Variants in VANGL2 observed in about 807,000 individuals in gnomAD.
VANGL2 encodes vang-like protein 2.
A neutral mutation model predicts 50.2 loss-of-function variants in VANGL2; 14 were observed. The observed-to-expected ratio is 0.28, with a 90% CI of 0.18 to 0.44. VANGL2 has a LOEUF of 0.44. Ranked by LOEUF, VANGL2 falls within the 20% of genes least tolerant of loss-of-function variation. VANGL2 has a pLI of 1.00. For synonymous variants in VANGL2, 295 were observed against 297.2 expected, an observed-to-expected ratio of 0.99 and a Z score of 0.08; for missense variants, 533 against 701.5, an observed-to-expected ratio of 0.76 and a Z score of 2.71.
At chr1:160,418,923 A>T (rs1293304478) in intron 3 of VANGL2, 79 bp from the exon 4 acceptor site, 1 of 1,520,902 alleles carries the variant, frequency 6.6e-7, no homozygotes, top group Non-Finnish European at 8.9e-7. Context: ...CTGTCCCCTC[A>T]CCCTTTCTCC....
At chr1:160,413,148 G>C (rs1341137434) in intron 1 of VANGL2, among the ~76,000 whole-genome samples, 1 of 152,136 alleles carries the variant, frequency 6.6e-6, no homozygotes, top group Non-Finnish European at 1.5e-5. Context: ...TACTAGGTTG[G>C]TATCAGTTCC....
At position 160,416,109 on chromosome 1, in the gene VANGL2, G is replaced by C. The variant is rs141931627; in HGVS notation, c.119G>C (p.Gly40Ala). The stretch of plus-strand genomic sequence containing the variant: ...TCTAAGAGTCGAGATGGGGGCCGAG[G>C]GGACAAGTCGGTGACAATCCAGGCT... ...HRSKSRDGGR[G>A]DKSVTIQAPG... Residue 40 changes from glycine to alanine, a missense_variant, in exon 3 of 8, where the codon GGG becomes GCG. Physicochemically the swap from Gly to Ala is moderately conservative, Grantham distance 60. Transcript: ENST00000368061. 1.2e-6 allele frequency: 2 copies of C among 1,614,102 alleles called. No individual in the cohort carries two copies. Among genetic ancestry groups the C allele is most frequent in the African/African-American group, 2.7e-5 (2 of 74,934 alleles).
intron 3 of VANGL2, among the ~76,000 whole-genome samples, chr1:160,418,416 C>T (rs1206836362): frequency 6.6e-6 from 1 of 151,876 alleles, no homozygotes; most frequent in Non-Finnish European, 1.5e-5. Flanking sequence ...TTCAGTGATT[C>T]TCAATCTTGG....
rs1424065600 is a variant in VANGL2 at position 160,415,899 on chromosome 1, G to A, written c.62G>A (p.Arg21His). 2.0e-5 allele frequency: 32 copies of A among 1,614,028 alleles called. No homozygotes were observed. The highest frequency in any genetic ancestry group is 2.3e-5 in the Non-Finnish European group (27 of 1,180,026). Residue 21 changes from arginine to histidine, a missense_variant, in exon 2 of 8, where the codon CGC (arginine) becomes CAC (histidine). Coordinates refer to ENST00000368061, the MANE Select transcript of VANGL2 (RefSeq NM_020335.3). Reference sequence around the variant, plus strand: ...AAGTCGGGCCACTCCCGCAGCTCCCGCAAGCACAGGTGGGCAGGCATGCAG... The same window carrying A: ...AAGTCGGGCCACTCCCGCAGCTCCCACAAGCACAGGTGGGCAGGCATGCAG... ...SYKSGHSRSS[R>H]KHRDRRDRHR... is the part of the protein sequence containing the mutation.
chr1:160,417,326 C>A (rs910741256), intron 3 of VANGL2, among the ~76,000 whole-genome samples: 1 of 152,200 alleles, frequency 6.6e-6, no homozygotes, highest in Non-Finnish European at 1.5e-5. Context: ...GATTCCATAT[C>A]CCCAGGCTGT....
At chr1:160,405,910 A>G (rs1650642959) in intron 1 of VANGL2, among the ~76,000 whole-genome samples, 2 of 152,154 alleles carry the variant, frequency 1.3e-5, no homozygotes, top group Admixed American at 6.5e-5. Flanking sequence ...ACAACCCTGC[A>G]CCTAGAGGTG....
chr1:160,414,665 G>C (rs1372222972), intron 1 of VANGL2, among the ~76,000 whole-genome samples: 1 of 152,026 alleles, frequency 6.6e-6, no homozygotes, highest in Non-Finnish European at 1.5e-5. Context: ...AGAATACATG[G>C]TTCATAGAAG....
Position 160,419,717 on chromosome 1 carries a change from G to T in VANGL2, c.800+108G>T. 6.8e-7 allele frequency: 1 copy of T among 1,475,612 alleles called. No homozygotes were observed. The allele number at this position is 1,475,612 out of a possible 1,614,324, so 91.4% of individuals were successfully genotyped here. ...TGGTGGGCTGGAGGTGATGGGCTTG[G>T]AGGGTTGTGTGGGAGGGAGTTGAGT... On this transcript the variant is annotated intron_variant, in intron 4 of 7. Transcript: ENST00000368061. This position sits in a 1 kb window ranked among gnomAD's most constrained non-coding sequence, Gnocchi z 5.8.
At position 160,406,453 on chromosome 1, in the gene VANGL2, G is replaced by C. The variant is rs571339639; in HGVS notation, c.-191+5584G>C. Among the ~76,000 whole-genome samples, 22 of 152,350 alleles carry C rather than the reference G, an allele frequency of 1.4e-4. 1 individual carries two copies. In the South Asian group the frequency reaches 4.3e-3, roughly 30 times the overall value. On this transcript the variant is annotated intron_variant, in intron 1 of 7. Transcript: ENST00000368061. ...GTGTCATAAGCCTGGGGCGGGGCCA[G>C]CATCTGGGCAGAAACCTCTCCTGGG...
Position 160,420,513 on chromosome 1 carries a change from A to G in VANGL2, c.903A>G (p.Lys301=), listed in dbSNP as rs1323896956. The change falls in exon 5 of 8, where the codon AAA becomes AAG. Residue 301 remains lysine (K), a synonymous_variant. Transcript: ENST00000368061. ...TGCCCAAGTCCGTCCTGGCCAAGAA[A>G]GTGTCTGGCTTCAAGGTGTATTCCC... The part of the protein sequence containing the change: ...LNLPKSVLAK[K]VSGFKVYSLG... 10 of 1,614,076 alleles carry G rather than the reference A, an allele frequency of 6.2e-6. No individual in the cohort carries two copies. Among genetic ancestry groups the G allele is most frequent in the African/African-American group, 1.3e-5 (1 of 74,988 alleles).
intron 5 of VANGL2, 111 bp downstream of exon 5, chr1:160,420,658 T>G: frequency 6.7e-7 from 1 of 1,503,526 alleles, no homozygotes; most frequent in Non-Finnish European, 9.2e-7. Context: ...TAGCCCATGT[T>G]CTAGCCGCTT....
Position 160,425,330 on chromosome 1 carries a change from C to T in VANGL2, c.1518C>T (p.Pro506=). ...AACTCTCCGAGGAATTTGTGGATCC[C>T]AAGTCACACAAGTTTGTCATGAGGC... ...FFKLSEEFVD[P]KSHKFVMRLQ... Residue 506 remains proline, a synonymous_variant, in exon 8 of 8, where the codon CCC becomes CCT. Transcript: ENST00000368061. 2 of 1,608,120 alleles carry T rather than the reference C, an allele frequency of 1.2e-6. No individual in the cohort carries two copies. Among genetic ancestry groups the T allele is most frequent in the Non-Finnish European group, 1.7e-6 (2 of 1,178,798 alleles).
At chr1:160,401,109 C>A (rs1650444039) in intron 1 of VANGL2, among the ~76,000 whole-genome samples, 1 of 151,750 alleles carries the variant, frequency 6.6e-6, no homozygotes, top group Non-Finnish European at 1.5e-5. Flanking sequence ...GGAAGGGGCT[C>A]GTGGGGAGGG....
At chr1:160,401,419 C>T (rs1436262177) in intron 1 of VANGL2, among the ~76,000 whole-genome samples, 1 of 151,914 alleles carries the variant, frequency 6.6e-6, no homozygotes, top group Non-Finnish European at 1.5e-5. Flanking sequence ...GGGCTGGAGG[C>T]GGTAGACTGT....
Position 160,426,848 on chromosome 1 carries a change from G to C in VANGL2, c.*1470G>C, listed in dbSNP as rs575984616. 1.5e-4 allele frequency: 23 copies of C among 152,316 alleles called. No homozygotes were observed. The highest frequency in any genetic ancestry group is 4.6e-4 in the African/African-American group (19 of 41,572). 9.4% of individuals were successfully genotyped at this position (152,316 alleles called of 1,614,324 possible). A position where few individuals can be genotyped will look rare whatever the true frequency, so the allele number is the denominator to read the frequency against. On this transcript the variant is annotated 3_prime_UTR_variant, in exon 8 of 8. Coordinates refer to ENST00000368061, the MANE Select transcript of VANGL2 (RefSeq NM_020335.3). ...AGTAACTCACAGTGTCCTTTTGTAG[G>C]CCCTTCTTTTCCCTGAAAGACTGGT...
At chr1:160,400,960 T>C (rs1650437966) in intron 1 of VANGL2, 91 bp downstream of exon 1, 1 of 151,050 alleles carries the variant, frequency 6.6e-6, no homozygotes, top group Non-Finnish European at 1.5e-5. Flanking sequence ...AGGAGGAAAA[T>C]CATGCAAGGG....
In VANGL2 at chr1:160,423,973, G is replaced by A. The variant is rs968719017; in HGVS notation, c.1074-79G>A. 2.6e-6 allele frequency: 4 copies of A among 1,511,184 alleles called. No individual in the cohort carries two copies. In the African/African-American group the frequency reaches 5.5e-5, roughly 21 times the overall value. 93.6% of individuals were successfully genotyped at this position (1,511,184 alleles called of 1,614,324 possible). A position where few individuals can be genotyped will look rare whatever the true frequency, so the allele number is the denominator to read the frequency against. On this transcript the variant is annotated intron_variant, in intron 6 of 7. Coordinates refer to ENST00000368061, the MANE Select transcript of VANGL2 (RefSeq NM_020335.3). Reference sequence around the variant, plus strand: ...AGGCCTGACCTCATTCAGGCTGCTGGAGTGTTGGAGCTAGGGGAGAGGGGT... The same window carrying A: ...AGGCCTGACCTCATTCAGGCTGCTGAAGTGTTGGAGCTAGGGGAGAGGGGT...
At chr1:160,412,438 A>G (rs1650912024) in intron 1 of VANGL2, among the ~76,000 whole-genome samples, 1 of 152,168 alleles carries the variant, frequency 6.6e-6, no homozygotes, top group Non-Finnish European at 1.5e-5. Flanking sequence ...TAGAAAGAAT[A>G]GGCTGGAACC....
chr1:160,418,853 T>G, intron 3 of VANGL2, 149 bp from the exon 4 acceptor site: 1 of 1,047,326 alleles, frequency 9.5e-7, no homozygotes, highest in Non-Finnish European at 1.4e-6. Flanking sequence ...TGGTTGCGTA[T>G]TTGTTGATTA....
Sources: allele counts gnomAD v4.1 joint callset (sites outside exome capture counted in the v4.1 genomes callset), GRCh38; gene constraint gnomAD v4.1.1; non-coding constraint Gnocchi (gnomAD v3.1); transcripts MANE v1.5; gene names NCBI Gene and HGNC (gene_info 2026-07-23, HGNC 2026-07-21).